Variants in GSAP observed in about 807,000 individuals in gnomAD.
The protein encoded by GSAP is gamma-secretase-activating protein.
A neutral mutation model predicts 131.7 loss-of-function variants in GSAP; 118 were observed. The observed-to-expected ratio is 0.90, with a 90% CI of 0.77 to 1.04. GSAP has a LOEUF of 1.04. Among genes scored for constraint, GSAP ranks in the 50% least tolerant of loss-of-function variants. GSAP has a pLI of 0.00. For synonymous variants in GSAP, 381 were observed against 363.4 expected (o/e 1.05, Z -0.55); for missense variants, 1,019 against 1,013.2 (o/e 1.01, Z -0.08).
chr7:77,406,415 T>C (rs890277408), intron 1 of GSAP, among the ~76,000 whole-genome samples: 5 of 152,226 alleles, frequency 3.3e-5, no homozygotes, highest in African/African-American at 1.2e-4. Context: ...TCTGTGTGAA[T>C]GTTATACAAT....
intron 19 of GSAP, among the ~76,000 whole-genome samples, chr7:77,339,015 C>T (rs1203438279): frequency 6.6e-6 from 1 of 151,934 alleles, no homozygotes; most frequent in Admixed American, 6.6e-5. Flanking sequence ...AATAGGGGTA[C>T]CTTGGTCCTC....
intron 5 of GSAP, among the ~76,000 whole-genome samples, chr7:77,388,747 G>A (rs898351738): frequency 2.6e-5 from 4 of 152,202 alleles, no homozygotes; most frequent in African/African-American, 9.7e-5. Context: ...CAACCTGAGA[G>A]CACTGCTTTA....
chr7:77,338,045 G>A (rs1790291722), intron 19 of GSAP, among the ~76,000 whole-genome samples: 1 of 152,060 alleles, frequency 6.6e-6, no homozygotes, highest in East Asian at 1.9e-4. Context: ...TGTGCCTGTG[G>A]TCCCAACTAC....
At chr7:77,387,976 T>C (rs1469615671) in intron 5 of GSAP, among the ~76,000 whole-genome samples, 2 of 152,262 alleles carry the variant, frequency 1.3e-5, no homozygotes, top group Non-Finnish European at 1.5e-5. Context: ...ATATCATTTT[T>C]CCCAATTATC....
At chr7:77,348,236 C>A (rs920643705) in intron 19 of GSAP, among the ~76,000 whole-genome samples, 2 of 152,076 alleles carry the variant, frequency 1.3e-5, no homozygotes, top group African/African-American at 4.8e-5. Flanking sequence ...AAACAATAAA[C>A]AATAAATAAA....
At chr7:77,370,251 A>G (rs1392165543) in intron 12 of GSAP, among the ~76,000 whole-genome samples, 1 of 152,120 alleles carries the variant, frequency 6.6e-6, no homozygotes, top group African/African-American at 2.4e-5. Context: ...TGAGGTCAGG[A>G]GTTCGAGACC....
intron 19 of GSAP, among the ~76,000 whole-genome samples, chr7:77,343,696 C>A (rs1345690262): frequency 1.3e-5 from 2 of 152,202 alleles, no homozygotes; most frequent in Admixed American, 6.5e-5. Context: ...CCTACTCCCC[C>A]ACTGACTAAC....
Position 77,311,724 on chromosome 7 carries a change from A to G in GSAP, c.2473+117T>C, listed in dbSNP as rs559115848. On this transcript the variant is annotated intron_variant, in intron 30 of 30. Transcript: ENST00000257626. ...GTACTGCTAATGTAAACCAATTGCT[A>G]TAAGGGTCTACTTGTATGTTAAAAG... is the stretch of plus-strand genomic sequence containing the variant. 54 of 631,142 alleles carry G rather than the reference A, an allele frequency of 8.6e-5. 1 individual carries two copies. Among genetic ancestry groups the G allele is most frequent in the Admixed American group, 1.6e-4 (6 of 36,932 alleles). The allele number at this position is 631,142 out of a possible 1,614,324, so 39.1% of individuals were successfully genotyped here.
chr7:77,382,473 G>A (rs1304788744), intron 7 of GSAP, 101 bp downstream of exon 7: 2 of 672,490 alleles, frequency 3.0e-6, no homozygotes, highest in Non-Finnish European at 5.6e-6. Flanking sequence ...GCAGACCCTT[G>A]GCAATGGCAG....
intron 1 of GSAP, among the ~76,000 whole-genome samples, chr7:77,407,493 G>T (rs1204348709): frequency 6.6e-6 from 1 of 151,940 alleles, no homozygotes; most frequent in African/African-American, 2.4e-5. Context: ...ATTACTATTT[G>T]TTTTCTACGT....
chr7:77,319,184 A>G (rs1787273192), intron 26 of GSAP, among the ~76,000 whole-genome samples: 1 of 152,234 alleles, frequency 6.6e-6, no homozygotes, highest in Non-Finnish European at 1.5e-5. Flanking sequence ...AAAACATATA[A>G]GGAACTCAAA....
At chr7:77,404,118 C>A (rs10216233) in intron 3 of GSAP, among the ~76,000 whole-genome samples, 18,440 of 152,162 alleles carry the variant, frequency 0.12, 1,612 homozygotes, top group East Asian at 0.4. Context: ...AGGAAAAAAG[C>A]AGCACACAGG....
intron 19 of GSAP, among the ~76,000 whole-genome samples, chr7:77,347,552 CA>C (rs1792095665): frequency 6.6e-6 from 1 of 152,046 alleles, no homozygotes; most frequent in African/African-American, 2.4e-5. Flanking sequence ...ACAGTTTGGA[CA>C]GAGTTTTTCC....
At chr7:77,345,719 C>G (rs767713728) in intron 19 of GSAP, among the ~76,000 whole-genome samples, 11 of 152,130 alleles carry the variant, frequency 7.2e-5, no homozygotes, top group Non-Finnish European at 1.0e-4. Context: ...CCCCCTTTAA[C>G]TGTAATTTTT....
At chr7:77,376,529 C>T (rs900089545) in intron 10 of GSAP, among the ~76,000 whole-genome samples, 3 of 151,872 alleles carry the variant, frequency 2.0e-5, no homozygotes, top group African/African-American at 7.3e-5. Context: ...TAATCCCAGC[C>T]CTTTGGGAGG....
rs1463064596 is a variant in GSAP at position 77,330,220 on chromosome 7, C to T, written c.1674+19G>A. 2 of 1,600,912 alleles carry T rather than the reference C, an allele frequency of 1.2e-6. No homozygotes were observed. Among genetic ancestry groups the T allele is most frequent in the African/African-American group, 1.3e-5 (1 of 74,332 alleles). On this transcript the variant is annotated intron_variant, in intron 20 of 30. Coordinates refer to ENST00000257626, the MANE Select transcript of GSAP (RefSeq NM_017439.4). Reference sequence around the variant, plus strand: ...ACTATGCCTCGCTGCTGGCTTTGTTCTCACTGACCCACTCATACCTCTTCA... The same window carrying T: ...ACTATGCCTCGCTGCTGGCTTTGTTTTCACTGACCCACTCATACCTCTTCA...
intron 8 of GSAP, among the ~76,000 whole-genome samples, chr7:77,378,759 G>A (rs189782540): frequency 6.6e-6 from 1 of 152,164 alleles, no homozygotes; most frequent in African/African-American, 2.4e-5. Context: ...CCCTTTCAGT[G>A]CATCAGCTGA....
At chr7:77,344,557 T>C (rs933727737) in intron 19 of GSAP, among the ~76,000 whole-genome samples, 4 of 141,224 alleles carry the variant, frequency 2.8e-5, no homozygotes, top group African/African-American at 1.1e-4. Context: ...TCCTATTCAC[T>C]GTTCTCAACT....
At chr7:77,372,822 C>T (rs1273543032) in intron 12 of GSAP, among the ~76,000 whole-genome samples, 1 of 152,210 alleles carries the variant, frequency 6.6e-6, no homozygotes, top group Non-Finnish European at 1.5e-5. Context: ...TCCCACATAG[C>T]CTGGCCCCTG....
Sources: allele counts gnomAD v4.1 joint callset (sites outside exome capture counted in the v4.1 genomes callset), GRCh38; gene constraint gnomAD v4.1.1; transcripts MANE v1.5; gene names NCBI Gene and HGNC (gene_info 2026-07-23, HGNC 2026-07-21).